Variants in FHIT observed in about 807,000 individuals in gnomAD.
FHIT encodes fragile histidine triad diadenosine triphosphatase, also known as bis(5'-adenosyl)-triphosphatase.
Under a neutral mutation model 17.9 loss-of-function variants are expected in FHIT, and 19 were observed. That is an observed-to-expected ratio of 1.06 (90% confidence interval 0.74 to 1.56). The LOEUF (loss-of-function observed/expected upper bound fraction) is 1.56. Ranked by LOEUF, FHIT falls within the 40% of genes most tolerant of loss-of-function variation. The probability of loss-of-function intolerance (pLI) is 0.00; values close to 1 mark genes in which losing one functional copy is unlikely to be tolerated. For synonymous variants in FHIT, 81 were observed against 69.7 expected, an observed-to-expected ratio of 1.16 and a Z score of -0.81; for missense variants, 248 against 189.2, an observed-to-expected ratio of 1.31 and a Z score of -1.82.
At chr3:60,717,168 T>C (rs2041703702) in intron 4 of FHIT, among the ~76,000 whole-genome samples, 1 of 151,884 alleles carries the variant, frequency 6.6e-6, no homozygotes, top group Non-Finnish European at 1.5e-5. Context: ...AATGGGGAGG[T>C]GTTGGTCAAA....
chr3:61,079,549 A>G (rs1421120998), intron 2 of FHIT, among the ~76,000 whole-genome samples: 1 of 152,212 alleles, frequency 6.6e-6, no homozygotes, highest in Admixed American at 6.5e-5. Flanking sequence ...ACCAAAAAAT[A>G]TGCAAAATCT....
At chr3:60,411,464 C>A (rs2107226095) in intron 5 of FHIT, among the ~76,000 whole-genome samples, 1 of 152,232 alleles carries the variant, frequency 6.6e-6, no homozygotes, top group Non-Finnish European at 1.5e-5. Context: ...AAGCCATTTA[C>A]AAAACATTGA....
At chr3:60,238,770 C>T (rs1350547502) in intron 5 of FHIT, among the ~76,000 whole-genome samples, 1 of 152,158 alleles carries the variant, frequency 6.6e-6, no homozygotes, top group Admixed American at 6.5e-5. Context: ...ACTTCCCCTT[C>T]ATGCCAACCC....
At chr3:60,641,050 G>A (rs2039712421) in intron 4 of FHIT, among the ~76,000 whole-genome samples, 1 of 151,914 alleles carries the variant, frequency 6.6e-6, no homozygotes, top group Non-Finnish European at 1.5e-5. Context: ...TATGGTGGTG[G>A]GTACCTGTAA....
At chr3:60,864,509 G>A (rs6785140) in intron 3 of FHIT, among the ~76,000 whole-genome samples, 33,730 of 151,956 alleles carry the variant, frequency 0.22, 4,074 homozygotes, top group African/African-American at 0.28. Flanking sequence ...AGAAAAGGAG[G>A]AGCCAGTAGA....
intron 5 of FHIT, among the ~76,000 whole-genome samples, chr3:60,278,720 CAAAA>C (rs34671935): frequency 6.7e-6 from 1 of 148,234 alleles, no homozygotes; most frequent in Non-Finnish European, 1.5e-5. Flanking sequence ...AACCTCATAA[CAAAA>C]AAAAAAATTC....
chr3:59,893,820 A>G (rs1703954577), intron 8 of FHIT, among the ~76,000 whole-genome samples: 2 of 152,238 alleles, frequency 1.3e-5, no homozygotes, highest in African/African-American at 4.8e-5. Context: ...TTGACTAGGA[A>G]GAAACATTAG....
At chr3:60,492,204 A>G (rs2034095245) in intron 5 of FHIT, among the ~76,000 whole-genome samples, 2 of 152,184 alleles carry the variant, frequency 1.3e-5, no homozygotes, top group Admixed American at 1.3e-4. Context: ...TTACTATATG[A>G]TGCTTATGTG....
chr3:60,217,706 G>A (rs1703761354), intron 5 of FHIT, among the ~76,000 whole-genome samples: 2 of 151,996 alleles, frequency 1.3e-5, no homozygotes, highest in Admixed American at 6.6e-5. Context: ...AAACCACACT[G>A]GCCTTCCCTC....
intron 5 of FHIT, among the ~76,000 whole-genome samples, chr3:60,086,197 G>T (rs934080385): frequency 6.6e-6 from 1 of 152,202 alleles, no homozygotes; most frequent in Non-Finnish European, 1.5e-5. Context: ...ATCTCTTCTG[G>T]AAACTAATAG....
chr3:60,248,124 C>A (rs1280610491), intron 5 of FHIT, among the ~76,000 whole-genome samples: 1 of 152,086 alleles, frequency 6.6e-6, no homozygotes, highest in Non-Finnish European at 1.5e-5. Flanking sequence ...GCATTTGAAG[C>A]TGCCTCGTTA....
intron 5 of FHIT, among the ~76,000 whole-genome samples, chr3:60,450,125 T>G: frequency 1.3e-5 from 2 of 149,504 alleles, no homozygotes; most frequent in African/African-American, 4.9e-5. Flanking sequence ...AGTGAGGGAG[T>G]GGTGAGTGAA....
At chr3:60,470,603 G>T (rs770964245) in intron 5 of FHIT, among the ~76,000 whole-genome samples, 2 of 151,946 alleles carry the variant, frequency 1.3e-5, no homozygotes, top group African/African-American at 2.4e-5. Flanking sequence ...CTCTCCTCAG[G>T]GAAGTTGTCT....
intron 3 of FHIT, among the ~76,000 whole-genome samples, chr3:60,836,241 T>C (rs981795263): frequency 1.3e-5 from 2 of 152,168 alleles, no homozygotes; most frequent in Non-Finnish European, 2.9e-5. Context: ...TATATTTCTC[T>C]TTTTTGCACT....
intron 3 of FHIT, among the ~76,000 whole-genome samples, chr3:60,945,053 C>T (rs782602334): frequency 3.3e-5 from 5 of 151,960 alleles, no homozygotes; most frequent in South Asian, 4.1e-4. Context: ...TGAAGGAAAA[C>T]GAAGCAGGGC....
chr3:60,924,402 A>G (rs1707463494), intron 3 of FHIT, among the ~76,000 whole-genome samples: 2 of 152,114 alleles, frequency 1.3e-5, no homozygotes, highest in African/African-American at 4.8e-5. Context: ...CTGTTCACCA[A>G]TATCCGCTGT....
At chr3:59,807,685 T>C (rs188764307) in intron 8 of FHIT, among the ~76,000 whole-genome samples, 215 of 152,206 alleles carry the variant, frequency 1.4e-3, no homozygotes, top group African/African-American at 4.6e-3. Context: ...GATATATCCA[T>C]TGGAGGGTAC....
At chr3:59,971,823 G>A (rs757989409) in intron 7 of FHIT, among the ~76,000 whole-genome samples, 8 of 152,126 alleles carry the variant, frequency 5.3e-5, no homozygotes, top group Admixed American at 1.3e-4. Flanking sequence ...AAGGGTCACT[G>A]TGCAGATGAA....
intron 4 of FHIT, among the ~76,000 whole-genome samples, chr3:60,790,462 A>G (rs1303878143): frequency 1.3e-5 from 2 of 152,184 alleles, no homozygotes; most frequent in African/African-American, 4.8e-5. Context: ...CCAAAATACA[A>G]AAGCTGCAGT....
Sources: allele counts gnomAD v4.1 joint callset (sites outside exome capture counted in the v4.1 genomes callset), GRCh38; gene constraint gnomAD v4.1.1; transcripts MANE v1.5; gene names NCBI Gene and HGNC (gene_info 2026-07-23, HGNC 2026-07-21).